The following ABCC12 variants were observed in gnomAD, a reference collection of about 807,000 sequenced individuals.
The protein encoded by ABCC12 is ATP binding cassette subfamily C member 12.
In ABCC12, 142 loss-of-function variants were observed where a neutral mutation model predicts 151.1. The ratio of observed to expected loss-of-function variants is 0.94; its 90% CI spans 0.82 to 1.08. ABCC12 has a LOEUF of 1.08. ABCC12 is among the 50% of genes least tolerant of loss of function. ABCC12 has a pLI of 0.00. For synonymous variants in ABCC12, 645 were observed against 646.4 expected, an observed-to-expected ratio of 1.00 and a Z score of 0.03; for missense variants, 1,638 against 1,691.1, an observed-to-expected ratio of 0.97 and a Z score of 0.55.
At chr16:48,133,309 G>A (rs1964492587) in intron 9 of ABCC12, among the ~76,000 whole-genome samples, 2 of 152,088 alleles carry the variant, frequency 1.3e-5, no homozygotes, top group African/African-American at 2.4e-5. Flanking sequence ...ACTACCTGAG[G>A]TCGGGAGTTC....
chr16:48,112,776 G>A (rs972681190), intron 15 of ABCC12, among the ~76,000 whole-genome samples: 1 of 152,094 alleles, frequency 6.6e-6, no homozygotes, highest in Non-Finnish European at 1.5e-5. Flanking sequence ...AGACCACGGT[G>A]TGGTCTCCAG....
intron 12 of ABCC12, 114 bp downstream of exon 12, chr16:48,124,099 T>G: frequency 1.7e-6 from 2 of 1,143,772 alleles, no homozygotes. Flanking sequence ...GTGAACCACA[T>G]GCACAGTGTC....
chr16:48,084,085 G>C lies in ABCC12; in HGVS notation c.3829-12C>G, dbSNP rs1362456152. ...TCAAGGAGAATGATCTGTGGAGGAG[G>C]AAACATTATAAGCCAAAGGCGCACT... On this transcript the variant is annotated splice_polypyrimidine_tract_variant and intron_variant, in intron 29 of 30. Coordinates refer to ENST00000311303, the MANE Select transcript of ABCC12 (RefSeq NM_001393797.1). The C allele has an allele frequency of 6.3e-7, 1 of 1,598,710 alleles. No homozygotes were observed. Among genetic ancestry groups the C allele is most frequent in the Non-Finnish European group, 8.5e-7 (1 of 1,176,172 alleles).
At chr16:48,144,112 C>T (rs1306847325) in intron 3 of ABCC12, 47 bp from the exon 4 acceptor site, 1 of 1,572,592 alleles carries the variant, frequency 6.4e-7, no homozygotes, top group East Asian at 2.3e-5. Context: ...GGGGTCATTG[C>T]CCCAACTCTC....
At chr16:48,136,907 T>C (rs1387532070) in intron 8 of ABCC12, among the ~76,000 whole-genome samples, 3 of 152,046 alleles carry the variant, frequency 2.0e-5, no homozygotes, top group Non-Finnish European at 4.4e-5. Flanking sequence ...GTCAGAGAGG[T>C]CACCAAGGGC....
intron 3 of ABCC12, among the ~76,000 whole-genome samples, chr16:48,145,929 G>T (rs1036498801): frequency 6.6e-6 from 1 of 152,226 alleles, no homozygotes; most frequent in African/African-American, 2.4e-5. Context: ...CTGTTACAAA[G>T]CAAAAGCTAC....
chr16:48,087,819 G>T, intron 27 of ABCC12, 107 bp downstream of exon 27: 1 of 1,262,204 alleles, frequency 7.9e-7, no homozygotes, highest in Non-Finnish European at 1.1e-6. Flanking sequence ...GCTTCCCTCA[G>T]ACAGAACAGC....
intron 6 of ABCC12, 24 bp from the exon 7 acceptor site, chr16:48,139,360 C>A: frequency 6.3e-7 from 1 of 1,582,038 alleles, no homozygotes; most frequent in South Asian, 1.2e-5. Flanking sequence ...CGCAAAGGTT[C>A]AGGCTTTGGA....
At chr16:48,108,995 T>A (rs541279138) in intron 18 of ABCC12, among the ~76,000 whole-genome samples, 1 of 152,084 alleles carries the variant, frequency 6.6e-6, no homozygotes, top group African/African-American at 2.4e-5. Flanking sequence ...ATGAGAGGGA[T>A]CTGGGATTTT....
chr16:48,106,772 A>C (rs1963507430), intron 20 of ABCC12, among the ~76,000 whole-genome samples: 1 of 152,242 alleles, frequency 6.6e-6, no homozygotes. Context: ...AACTCCCAGC[A>C]AGCTCAAGAG....
chr16:48,148,222 A>G (rs891887415), intron 2 of ABCC12, among the ~76,000 whole-genome samples: 6 of 149,516 alleles, frequency 4.0e-5, no homozygotes, highest in Non-Finnish European at 8.8e-5. Context: ...TGCTGGGATT[A>G]CAGGCGTGAG....
In ABCC12 at chr16:48,081,000, A is replaced by C. The variant is rs1356169416; in HGVS notation, c.*2715T>G. Among the ~76,000 whole-genome samples, 3 of 152,120 alleles carry C rather than the reference A, an allele frequency of 2.0e-5. No homozygotes were observed. The highest frequency in any genetic ancestry group is 7.2e-5 in the African/African-American group (3 of 41,438). On this transcript the variant is annotated 3_prime_UTR_variant, in exon 31 of 31. Transcript: ENST00000311303. ...CCATTCCTCACAGATGATGCCTTCT[A>C]TGTGTCCTCACATGGAGGAAGGGGT...
rs1295723182 is a variant in ABCC12 at position 48,117,279 on chromosome 16, G to C, written c.1767C>G (p.Pro589=). ...CGLQKDLSNL[P]YGDLTEIGER... is the part of the protein sequence containing the mutation. The stretch of plus-strand genomic sequence containing the variant: ...CGCTCACCTCAGTCAGGTCTCCATA[G>C]GGGAGGTTGCTCAGGTCCTTCTGGA... Residue 589 remains proline, a synonymous_variant, in exon 14 of 31, where the codon CCC becomes CCG. Coordinates refer to ENST00000311303, the MANE Select transcript of ABCC12 (RefSeq NM_001393797.1). The C allele has an allele frequency of 6.2e-7, 1 of 1,613,652 alleles. No homozygotes were observed. Among genetic ancestry groups the C allele is most frequent in the African/African-American group, 1.3e-5 (1 of 74,918 alleles).
rs750656104 is a variant in ABCC12 at position 48,082,467 on chromosome 16, G to T, written c.*1248C>A. On this transcript the variant is annotated 3_prime_UTR_variant, in exon 31 of 31. Transcript: ENST00000311303. ...TAACATGCACACACACCTGGGAGGG[G>T]TGTCCGCCAGGCTCCACAGCTGTGT... Among the ~76,000 whole-genome samples the T allele has an allele frequency of 6.6e-6, 1 of 152,226 alleles. No homozygotes were observed. Among genetic ancestry groups the T allele is most frequent in the Non-Finnish European group, 1.5e-5 (1 of 68,046 alleles).
At chr16:48,127,082 A>T (rs574673101) in intron 11 of ABCC12, among the ~76,000 whole-genome samples, 2 of 152,240 alleles carry the variant, frequency 1.3e-5, no homozygotes, top group African/African-American at 4.8e-5. Context: ...AGCCAACTAA[A>T]TATCGTTTCC....
chr16:48,106,948 G>C (rs192436583), intron 20 of ABCC12, among the ~76,000 whole-genome samples: 1 of 152,182 alleles, frequency 6.6e-6, no homozygotes, highest in African/African-American at 2.4e-5. Flanking sequence ...GGCAGTGTCC[G>C]TAACAAGATG....
intron 22 of ABCC12, among the ~76,000 whole-genome samples, chr16:48,102,861 C>T (rs1403503655): frequency 6.6e-6 from 1 of 152,240 alleles, no homozygotes; most frequent in African/African-American, 2.4e-5. Context: ...CATCCCCCAA[C>T]ACCCAAAATT....
At chr16:48,131,319 A>G (rs1344811281) in intron 9 of ABCC12, among the ~76,000 whole-genome samples, 1 of 152,122 alleles carries the variant, frequency 6.6e-6, no homozygotes, top group East Asian at 1.9e-4. Context: ...GAGTTAGACT[A>G]CACCACACCA....
chr16:48,130,743 C>T (rs747756898), intron 10 of ABCC12, 45 bp downstream of exon 10: 146 of 1,493,234 alleles, frequency 9.8e-5, no homozygotes, highest in Non-Finnish European at 1.3e-4. Context: ...TTTTCCCACC[C>T]CAAAATGAGA....
Sources: allele counts gnomAD v4.1 joint callset (sites outside exome capture counted in the v4.1 genomes callset), GRCh38; gene constraint gnomAD v4.1.1; transcripts MANE v1.5; gene names NCBI Gene and HGNC (gene_info 2026-07-23, HGNC 2026-07-21).